COG5: variants seen among roughly 807,000 people sequenced by gnomAD.
COG5 encodes component of oligomeric golgi complex 5, also known as conserved oligomeric Golgi complex subunit 5.
COG5 carries 86 observed loss-of-function variants against 110.4 expected under a neutral mutation model. The observed-to-expected ratio is 0.78, with a 90% confidence interval of 0.65 to 0.93. The LOEUF (loss-of-function observed/expected upper bound fraction) is 0.93, where lower values mean the gene tolerates loss of function less well. Ranked by LOEUF, COG5 falls within the 40% of genes least tolerant of loss-of-function variation. The pLI, the probability that COG5 is intolerant of heterozygous loss-of-function variation, is 0.00. For missense variants in COG5, 1,077 were observed against 987.0 expected, an observed-to-expected ratio of 1.09 and a Z score of -1.22; for synonymous variants, 360 against 334.6, an observed-to-expected ratio of 1.08 and a Z score of -0.83.
intron 6 of COG5, among the ~76,000 whole-genome samples, chr7:107,481,219 TAAGC>T (rs1346404167): frequency 7.9e-5 from 12 of 152,280 alleles, no homozygotes; most frequent in Admixed American, 7.9e-4. Flanking sequence ...TCAGAGGTAT[TAAGC>T]AAGGCAGACT....
chr7:107,356,835 T>A (rs2129044037), intron 10 of COG5, among the ~76,000 whole-genome samples: 1 of 152,290 alleles, frequency 6.6e-6, no homozygotes, highest in Middle Eastern at 3.4e-3. Flanking sequence ...TGTAAAAGGC[T>A]AAGCCACTAA....
intron 19 of COG5, among the ~76,000 whole-genome samples, chr7:107,218,056 T>A (rs1282533176): frequency 6.6e-6 from 1 of 151,842 alleles, no homozygotes; most frequent in Non-Finnish European, 1.5e-5. Flanking sequence ...CAATGAATGA[T>A]CTGAAAAGGA....
chr7:107,485,426 C>T (rs1465089241), intron 6 of COG5, among the ~76,000 whole-genome samples: 1 of 152,148 alleles, frequency 6.6e-6, no homozygotes, highest in Non-Finnish European at 1.5e-5. Context: ...TTGTCAAATA[C>T]AAGAAATAAG....
intron 5 of COG5, among the ~76,000 whole-genome samples, chr7:107,540,363 G>A (rs1172158671): frequency 6.6e-6 from 1 of 151,170 alleles, no homozygotes; most frequent in East Asian, 2.0e-4. Context: ...CTTGAGGCCA[G>A]GAGTTTGAAA....
intron 7 of COG5, among the ~76,000 whole-genome samples, chr7:107,390,259 T>C (rs182838603): frequency 9.9e-5 from 15 of 152,266 alleles, no homozygotes; most frequent in Admixed American, 2.6e-4. Context: ...ACTGCTTGCC[T>C]TGCTGTGGCA....
chr7:107,303,638 GCTCAAACTCCTAGGCTGGT>G (rs1390274271), intron 11 of COG5, among the ~76,000 whole-genome samples: 6 of 151,672 alleles, frequency 4.0e-5, no homozygotes, highest in Admixed American at 3.3e-4. Context: ...TCCCTATGTT[GCTCAAACTCCTAGGCTGGT>G]CTCAAACTCC....
At chr7:107,385,760 G>A (rs575787327) in intron 7 of COG5, among the ~76,000 whole-genome samples, 1 of 151,254 alleles carries the variant, frequency 6.6e-6, no homozygotes, top group African/African-American at 2.4e-5. Context: ...CAACAGTGCA[G>A]AAAGATTCCA....
intron 7 of COG5, among the ~76,000 whole-genome samples, chr7:107,381,807 T>A (rs1815145968): frequency 6.6e-6 from 1 of 152,230 alleles, no homozygotes; most frequent in Admixed American, 6.5e-5. Flanking sequence ...TTGCTGACCT[T>A]TGTTTTGTTT....
intron 10 of COG5, among the ~76,000 whole-genome samples, chr7:107,325,969 T>C (rs1809731127): frequency 6.6e-6 from 1 of 152,244 alleles, no homozygotes; most frequent in Admixed American, 6.5e-5. Flanking sequence ...ATGTATTATG[T>C]CTTGCATATC....
chr7:107,216,447 A>T (rs1256098742), intron 19 of COG5, among the ~76,000 whole-genome samples: 4 of 152,238 alleles, frequency 2.6e-5, no homozygotes, highest in African/African-American at 4.8e-5. Flanking sequence ...AAGGGAACAG[A>T]CGTCTTCTCA....
intron 6 of COG5, among the ~76,000 whole-genome samples, chr7:107,446,733 A>G (rs937939986): frequency 6.6e-6 from 1 of 152,166 alleles, no homozygotes; most frequent in Admixed American, 6.5e-5. Flanking sequence ...CAACCATGTG[A>G]GTCAGCTTGA....
At chr7:107,411,074 G>T (rs1792254715) in intron 7 of COG5, among the ~76,000 whole-genome samples, 1 of 152,060 alleles carries the variant, frequency 6.6e-6, no homozygotes. Context: ...CCTAGAGATG[G>T]GAGACACAAA....
chr7:107,372,801 G>A (rs755248155), intron 7 of COG5, 41 bp from the exon 8 acceptor site: 1 of 1,596,150 alleles, frequency 6.3e-7, no homozygotes, highest in African/African-American at 1.3e-5. Context: ...GATATAAATA[G>A]GAAAACAAAC....
chr7:107,212,089 G>A lies in COG5; in HGVS notation c.2169-864C>T, dbSNP rs551432494. 6.6e-5 allele frequency among the ~76,000 whole-genome samples: 10 copies of A among 152,216 alleles called. No homozygotes were observed. In the South Asian group the frequency reaches 1.0e-3, roughly 16 times the overall value. ...GAAGGCCTGTACAAAATAGAGAAGC[G>A]AACTTCTTCCCTATACTAATGATAA... On this transcript the variant is annotated intron_variant, in intron 19 of 21. Coordinates refer to ENST00000297135, the MANE Select transcript of COG5 (RefSeq NM_006348.5).
chr7:107,209,605 G>C (rs1306073033), intron 21 of COG5: 2 of 160,588 alleles, frequency 1.2e-5, no homozygotes, highest in Non-Finnish European at 2.6e-5. Context: ...TTAAGGAATG[G>C]CTAGAAGAAG....
intron 11 of COG5, among the ~76,000 whole-genome samples, chr7:107,315,122 T>G (rs766862266): frequency 1.1e-4 from 16 of 151,970 alleles, no homozygotes; most frequent in Admixed American, 2.0e-4. Context: ...TCAAGAAATA[T>G]TCACAATATG....
At position 107,373,091 on chromosome 7, in the gene COG5, A is replaced by G. The variant is rs1242879576; in HGVS notation, c.670-331T>C. Among the ~76,000 whole-genome samples the G allele has an allele frequency of 5.3e-5, 8 of 152,162 alleles. 1 individual carries two copies. Among genetic ancestry groups the G allele is most frequent in the Admixed American group, 4.6e-4 (7 of 15,272 alleles). On this transcript the variant is annotated intron_variant, in intron 7 of 21. Coordinates refer to ENST00000297135, the MANE Select transcript of COG5 (RefSeq NM_006348.5). ...ACCACCAATCCCTATAAAAAGAACCATATTAGAAATAACATTTGTTATTTC... is the reference window on the plus strand; with the variant it reads ...ACCACCAATCCCTATAAAAAGAACCGTATTAGAAATAACATTTGTTATTTC...
intron 14 of COG5, among the ~76,000 whole-genome samples, chr7:107,264,587 C>T (rs1803647390): frequency 6.6e-6 from 1 of 151,624 alleles, no homozygotes; most frequent in Non-Finnish European, 1.5e-5. Context: ...CAGCTACTTG[C>T]GAGGCTAAGG....
chr7:107,365,660 T>C (rs1404735909), intron 8 of COG5, among the ~76,000 whole-genome samples: 1 of 146,352 alleles, frequency 6.8e-6, no homozygotes, highest in Non-Finnish European at 1.5e-5. Context: ...TTGATATTTA[T>C]GTTGTTTAAG....
Sources: gnomAD v4.1 joint callset for allele counts (sites outside exome capture counted in the v4.1 genomes callset) on GRCh38, gnomAD v4.1.1 for gene constraint, MANE v1.5 for transcripts, NCBI Gene and HGNC (gene_info 2026-07-23, HGNC 2026-07-21) for gene names.